The following MAGI2 variants were observed in gnomAD, a reference collection of about 807,000 sequenced individuals.
MAGI2 encodes the protein membrane-associated guanylate kinase, WW and PDZ domain-containing protein 2.
Under a neutral mutation model 133.3 loss-of-function variants are expected in MAGI2, and 35 were observed. The ratio of observed to expected loss-of-function variants is 0.26; its 90% CI spans 0.20 to 0.35. The LOEUF (loss-of-function observed/expected upper bound fraction) is 0.35. Among genes scored for constraint, MAGI2 ranks in the 10% least tolerant of loss-of-function variants. The pLI, the probability that MAGI2 is intolerant of heterozygous loss-of-function variation, is 1.00. For synonymous variants in MAGI2, 729 were observed against 710.6 expected, an observed-to-expected ratio of 1.03 and a Z score of -0.41; for missense variants, 1,636 against 1,863.4, an observed-to-expected ratio of 0.88 and a Z score of 2.25.
At chr7:78,419,809 A>T (rs1479232025) in intron 6 of MAGI2, among the ~76,000 whole-genome samples, 2 of 152,122 alleles carry the variant, frequency 1.3e-5, no homozygotes, top group African/African-American at 4.8e-5. Context: ...GAGGACATGG[A>T]TAATGGGACA....
chr7:79,429,712 AG>A (rs1220011101), intron 1 of MAGI2, among the ~76,000 whole-genome samples: 3 of 152,188 alleles, frequency 2.0e-5, no homozygotes, highest in Non-Finnish European at 4.4e-5. Flanking sequence ...GAAGCAAAAA[AG>A]GTAAAAATAA....
intron 1 of MAGI2, among the ~76,000 whole-genome samples, chr7:79,370,601 G>A (rs912297907): frequency 3.3e-5 from 5 of 150,672 alleles, no homozygotes; most frequent in African/African-American, 7.3e-5. Flanking sequence ...CAGGTTTCAC[G>A]TTTCAGAAAG....
chr7:78,748,627 T>C (rs1171462466), intron 2 of MAGI2, among the ~76,000 whole-genome samples: 1 of 152,188 alleles, frequency 6.6e-6, no homozygotes, highest in East Asian at 1.9e-4. Flanking sequence ...TAGCTGGACA[T>C]GACATTAGTT....
intron 2 of MAGI2, among the ~76,000 whole-genome samples, chr7:78,779,477 A>G (rs1170261960): frequency 6.6e-6 from 1 of 152,224 alleles, no homozygotes; most frequent in Admixed American, 6.5e-5. Context: ...TGAAGAGAGA[A>G]TAGAAAAGAC....
intron 1 of MAGI2, among the ~76,000 whole-genome samples, chr7:79,090,044 T>C (rs992228951): frequency 2.6e-5 from 4 of 151,738 alleles, no homozygotes; most frequent in Non-Finnish European, 4.4e-5. Flanking sequence ...AATTAAAAAA[T>C]AGAAGATTTT....
chr7:79,159,676 T>A (rs1024357957), intron 1 of MAGI2, among the ~76,000 whole-genome samples: 2 of 152,098 alleles, frequency 1.3e-5, no homozygotes, highest in Non-Finnish European at 2.9e-5. Flanking sequence ...GTTTTTAAAT[T>A]TTTAAATTCT....
At chr7:78,441,531 G>GT (rs1188680413) in intron 6 of MAGI2, among the ~76,000 whole-genome samples, 3 of 152,054 alleles carry the variant, frequency 2.0e-5, no homozygotes, top group African/African-American at 7.2e-5. Context: ...TACCTAAGCT[G>GT]TTTGTAACTA....
At chr7:79,094,947 A>G (rs1175085212) in intron 1 of MAGI2, among the ~76,000 whole-genome samples, 1 of 152,182 alleles carries the variant, frequency 6.6e-6, no homozygotes, top group Non-Finnish European at 1.5e-5. Flanking sequence ...GCAGATGAGC[A>G]CTAGCTTCAA....
chr7:78,462,730 C>T (rs952132502), intron 6 of MAGI2, among the ~76,000 whole-genome samples: 1 of 152,112 alleles, frequency 6.6e-6, no homozygotes, highest in Non-Finnish European at 1.5e-5. Flanking sequence ...GAATCAAAAG[C>T]TTCCTAGAAA....
intron 1 of MAGI2, among the ~76,000 whole-genome samples, chr7:79,201,158 T>C (rs1489968557): frequency 6.6e-6 from 1 of 152,024 alleles, no homozygotes; most frequent in Non-Finnish European, 1.5e-5. Flanking sequence ...GAAATGGTTT[T>C]AGCAAAAGGT....
intron 9 of MAGI2, among the ~76,000 whole-genome samples, chr7:78,316,692 G>T (rs936012196): frequency 1.3e-5 from 2 of 152,172 alleles, no homozygotes; most frequent in Non-Finnish European, 2.9e-5. Flanking sequence ...TACAAACCAA[G>T]AGAGAGTCAA....
chr7:79,321,053 T>C (rs917255955), intron 1 of MAGI2, among the ~76,000 whole-genome samples: 1 of 152,174 alleles, frequency 6.6e-6, no homozygotes, highest in Non-Finnish European at 1.5e-5. Context: ...TTATTGAATT[T>C]CTGTCATTAG....
chr7:78,875,693 T>C (rs1795363417), intron 2 of MAGI2, among the ~76,000 whole-genome samples: 1 of 151,990 alleles, frequency 6.6e-6, no homozygotes, highest in Admixed American at 6.6e-5. Flanking sequence ...AATTACTAAA[T>C]ATGCAAAGAA....
intron 12 of MAGI2, among the ~76,000 whole-genome samples, chr7:78,188,370 G>T (rs1218950862): frequency 2.0e-5 from 3 of 152,136 alleles, no homozygotes; most frequent in Non-Finnish European, 4.4e-5. Context: ...AGAAAATCCA[G>T]CTGAAAGGCA....
At chr7:78,867,570 T>G (rs371522364) in intron 2 of MAGI2, among the ~76,000 whole-genome samples, 1 of 147,662 alleles carries the variant, frequency 6.8e-6, no homozygotes, top group Admixed American at 6.8e-5. Flanking sequence ...AGGGATAGCA[T>G]TGGGAGATAT....
intron 20 of MAGI2, among the ~76,000 whole-genome samples, chr7:78,106,263 G>C (rs1246130585): frequency 6.6e-6 from 1 of 151,848 alleles, no homozygotes; most frequent in African/African-American, 2.4e-5. Context: ...ATCCATTGAC[G>C]GACACTTAAG....
intron 1 of MAGI2, among the ~76,000 whole-genome samples, chr7:79,195,617 C>T (rs1259849560): frequency 6.6e-6 from 1 of 151,936 alleles, no homozygotes; most frequent in Non-Finnish European, 1.5e-5. Flanking sequence ...GCTGCCTGCT[C>T]AACTGCCTTT....
chr7:78,573,800 G>C (rs948673079), intron 3 of MAGI2, among the ~76,000 whole-genome samples: 1 of 151,990 alleles, frequency 6.6e-6, no homozygotes, highest in Non-Finnish European at 1.5e-5. Flanking sequence ...TTTTATTGGA[G>C]GGTTCCCATT....
At chr7:78,439,930 C>T (rs1279535651) in intron 6 of MAGI2, among the ~76,000 whole-genome samples, 2 of 151,978 alleles carry the variant, frequency 1.3e-5, no homozygotes, top group Admixed American at 6.6e-5. Context: ...GCACTTAAAA[C>T]GTGTCTAGTG....
Sources: allele counts gnomAD v4.1 joint callset (sites outside exome capture counted in the v4.1 genomes callset), GRCh38; gene constraint gnomAD v4.1.1; transcripts MANE v1.5; gene names NCBI Gene and HGNC (gene_info 2026-07-23, HGNC 2026-07-21).